HTATIP2: variants seen among roughly 807,000 people sequenced by gnomAD.
The protein encoded by HTATIP2 is HIV-1 Tat interactive protein 2, also known as protein HTATIP2.
In HTATIP2, 26 loss-of-function variants were observed where a neutral mutation model predicts 24.7. The observed-to-expected ratio is 1.05, with a 90% confidence interval of 0.77 to 1.46. The LOEUF is 1.46. Among genes scored for constraint, HTATIP2 ranks in the 40% most tolerant of loss-of-function variants. The pLI, the probability that HTATIP2 is intolerant of heterozygous loss-of-function variation, is 0.00. For missense variants in HTATIP2, 284 were observed against 289.6 expected (o/e 0.98, Z 0.14); for synonymous variants, 99 against 113.2 (o/e 0.87, Z 0.79).
rs528434881 is a variant in HTATIP2 at position 20,380,651 on chromosome 11, G to A, written c.442-1527G>A. 5.2e-4 allele frequency among the ~76,000 whole-genome samples: 63 copies of A among 120,258 alleles called. 1 individual carries two copies. Among genetic ancestry groups the A allele is most frequent in the African/African-American group, 1.7e-3 (54 of 31,898 alleles). 78.9% of individuals were successfully genotyped at this position (120,258 alleles called of 152,430 possible). A position where few individuals can be genotyped will look rare whatever the true frequency, so the allele number is the denominator to read the frequency against. On this transcript the variant is annotated intron_variant, in intron 3 of 4. Coordinates refer to ENST00000451739, the MANE Select transcript of HTATIP2 (RefSeq NM_001098522.2). ...TGCGCCACTGCACTCCAGCCTGGGCGACAGAGTGAGACTCCATCTCAAAAA... is the reference window on the plus strand; with the variant it reads ...TGCGCCACTGCACTCCAGCCTGGGCAACAGAGTGAGACTCCATCTCAAAAA...
At position 20,377,751 on chromosome 11, in the gene HTATIP2, C is replaced by T. The variant is rs189933409; in HGVS notation, c.441+1034C>T. Reference sequence around the variant, plus strand: ...AGATCTACTTGTCCAAAAGTCTTTACCTTGAAGTGAAATTTATTGTTATGT... The same window carrying T: ...AGATCTACTTGTCCAAAAGTCTTTATCTTGAAGTGAAATTTATTGTTATGT... On this transcript the variant is annotated intron_variant, in intron 3 of 4. Transcript: ENST00000451739. Among the ~76,000 whole-genome samples, 144 of 152,316 alleles carry T rather than the reference C, an allele frequency of 9.5e-4. 1 individual carries two copies. The highest frequency in any genetic ancestry group is 3.4e-3 in the Middle Eastern group (1 of 294).
At chr11:20,368,195 A>T (rs921403629) in intron 2 of HTATIP2, among the ~76,000 whole-genome samples, 15 of 151,498 alleles carry the variant, frequency 9.9e-5, no homozygotes, top group African/African-American at 2.9e-4. Context: ...AAAAAGAAAA[A>T]ATATATATAT....
At chr11:20,365,177 C>G (rs137873325) in intron 1 of HTATIP2, among the ~76,000 whole-genome samples, 3 of 151,962 alleles carry the variant, frequency 2.0e-5, no homozygotes, top group African/African-American at 7.3e-5. Context: ...AGAGACGAGA[C>G]AAGGTTTCAC....
At chr11:20,375,016 G>A (rs1848423132) in intron 2 of HTATIP2, among the ~76,000 whole-genome samples, 1 of 152,114 alleles carries the variant, frequency 6.6e-6, no homozygotes, top group East Asian at 1.9e-4. Context: ...ATTAGCGAGA[G>A]AGGGTGGGGG....
intron 2 of HTATIP2, among the ~76,000 whole-genome samples, chr11:20,373,286 C>T (rs879789033): frequency 6.6e-6 from 1 of 152,030 alleles, no homozygotes; most frequent in Non-Finnish European, 1.5e-5. Flanking sequence ...AGTCTGATGG[C>T]CGGGGTGGTA....
chr11:20,374,105 T>C, intron 2 of HTATIP2, among the ~76,000 whole-genome samples: 2 of 152,160 alleles, frequency 1.3e-5, no homozygotes, highest in East Asian at 3.8e-4. Context: ...TAGTTAAAAA[T>C]GTACTTGTGA....
intron 2 of HTATIP2, among the ~76,000 whole-genome samples, chr11:20,373,320 C>G (rs1249433403): frequency 1.3e-5 from 2 of 152,144 alleles, no homozygotes; most frequent in Non-Finnish European, 1.5e-5. Flanking sequence ...GCTGACTAAT[C>G]AGATTGAAAA....
chr11:20,375,344 G>A (rs1848429835), intron 2 of HTATIP2, among the ~76,000 whole-genome samples: 1 of 152,174 alleles, frequency 6.6e-6, no homozygotes, highest in Admixed American at 6.5e-5. Context: ...GGCCAAGGTG[G>A]GCGGGTCATC....
chr11:20,369,915 C>T (rs79599287), intron 2 of HTATIP2, among the ~76,000 whole-genome samples: 1 of 152,212 alleles, frequency 6.6e-6, no homozygotes, highest in Non-Finnish European at 1.5e-5. Context: ...TATTAGCTTT[C>T]CTCAGCTGTT....
chr11:20,379,900 C>T (rs1018139539), intron 3 of HTATIP2, among the ~76,000 whole-genome samples: 3 of 152,196 alleles, frequency 2.0e-5, no homozygotes, highest in Admixed American at 2.0e-4. Context: ...ATACTCACAG[C>T]TACAACTTAT....
At chr11:20,378,305 G>A (rs1000261671) in intron 3 of HTATIP2, among the ~76,000 whole-genome samples, 45 of 152,174 alleles carry the variant, frequency 3.0e-4, no homozygotes, top group African/African-American at 1.1e-3. Flanking sequence ...GAAAAAATCT[G>A]TTTTCCTTTT....
chr11:20,371,991 T>C (rs1435240991), intron 2 of HTATIP2, among the ~76,000 whole-genome samples: 1 of 152,126 alleles, frequency 6.6e-6, no homozygotes, highest in African/African-American at 2.4e-5. Flanking sequence ...GTCTAATTTA[T>C]AGGGTTGGAT....
At chr11:20,373,371 A>G (rs1020668651) in intron 2 of HTATIP2, among the ~76,000 whole-genome samples, 3 of 152,174 alleles carry the variant, frequency 2.0e-5, no homozygotes, top group African/African-American at 7.2e-5. Flanking sequence ...TCATCAAACA[A>G]TTGGAGACGA....
Position 20,364,065 on chromosome 11 carries a change from G to T in HTATIP2, c.-173G>T. 1 of 1,361,168 alleles carries T rather than the reference G, an allele frequency of 7.3e-7. No individual in the cohort carries two copies. The highest frequency in any genetic ancestry group is 9.5e-7 in the Non-Finnish European group (1 of 1,057,236). 84.3% of individuals were successfully genotyped at this position (1,361,168 alleles called of 1,614,324 possible). ...CGATGGGTCTGCTGGCTCAGGTGCG[G>T]GCGATGGCCGGGGAGCCGCGCCCCG... On this transcript the variant is annotated 5_prime_UTR_variant, in exon 1 of 5. Coordinates refer to ENST00000451739, the MANE Select transcript of HTATIP2 (RefSeq NM_001098522.2).
chr11:20,364,521 AGTGGTGGGGGTAGT>A, intron 1 of HTATIP2, 89 bp downstream of exon 1: 1 of 1,172,228 alleles, frequency 8.5e-7, no homozygotes, highest in Non-Finnish European at 1.2e-6. Context: ...CTGCCCTGCC[AGTGGTGGGGGTAGT>A]GAGAGGCCAT....
At chr11:20,376,880 T>C (rs928294541) in intron 3 of HTATIP2, among the ~76,000 whole-genome samples, 163 bp downstream of exon 3, 14 of 152,286 alleles carry the variant, frequency 9.2e-5, no homozygotes, top group Middle Eastern at 3.4e-3. Context: ...ACAGGAATGA[T>C]TGGAAAGGTA....
intron 2 of HTATIP2, among the ~76,000 whole-genome samples, chr11:20,372,272 C>T (rs2133270141): frequency 6.6e-6 from 1 of 152,324 alleles, no homozygotes; most frequent in South Asian, 2.1e-4. Context: ...TTTAGACGTG[C>T]TAACTTGTCC....
intron 3 of HTATIP2, among the ~76,000 whole-genome samples, chr11:20,377,826 C>T (rs1848467614): frequency 1.3e-5 from 2 of 152,114 alleles, no homozygotes; most frequent in Non-Finnish European, 2.9e-5. Context: ...AAAATACGTC[C>T]AGTCTTTCTT....
intron 4 of HTATIP2, among the ~76,000 whole-genome samples, chr11:20,382,512 A>G (rs554484141): frequency 6.6e-6 from 1 of 152,188 alleles, no homozygotes; most frequent in Non-Finnish European, 1.5e-5. Flanking sequence ...CGTCTACTGT[A>G]TTAGTCTGCT....
Sources: gnomAD v4.1 joint callset for allele counts (sites outside exome capture counted in the v4.1 genomes callset) on GRCh38, gnomAD v4.1.1 for gene constraint, MANE v1.5 for transcripts, NCBI Gene and HGNC (gene_info 2026-07-23, HGNC 2026-07-21) for gene names.